FAM178B: variants seen among roughly 807,000 people sequenced by gnomAD.
FAM178B encodes protein FAM178B.
In FAM178B, 82 loss-of-function variants were observed where a neutral mutation model predicts 91.7. The ratio of observed to expected loss-of-function variants is 0.89; its 90% CI spans 0.75 to 1.07. The LOEUF is 1.07. Among genes scored for constraint, FAM178B ranks in the 50% least tolerant of loss-of-function variants. FAM178B has a pLI of 0.00. For missense variants in FAM178B, 769 were observed against 846.7 expected (o/e 0.91, Z 1.14); for synonymous variants, 368 against 359.4 (o/e 1.02, Z -0.27).
intron 16 of FAM178B, 176 bp downstream of exon 16, chr2:96,877,714 T>C (rs2080279571): frequency 1.6e-6 from 1 of 632,846 alleles, no homozygotes; most frequent in Admixed American, 2.9e-5. Context: ...GGATTCTTGA[T>C]AAGAATGATG....
intron 12 of FAM178B, among the ~76,000 whole-genome samples, chr2:96,913,204 C>G (rs2081188343): frequency 6.6e-6 from 1 of 152,102 alleles, no homozygotes; most frequent in Non-Finnish European, 1.5e-5. Context: ...CTGCGTTTGT[C>G]TAGTGGGGGT....
At chr2:96,932,735 C>T (rs1160789429) in intron 8 of FAM178B, among the ~76,000 whole-genome samples, 1 of 147,444 alleles carries the variant, frequency 6.8e-6, no homozygotes, top group East Asian at 2.1e-4. Flanking sequence ...GTCAGGAGTT[C>T]GAGACCAGCC....
chr2:96,955,326 C>T (rs1262480911), intron 6 of FAM178B, among the ~76,000 whole-genome samples: 2 of 152,026 alleles, frequency 1.3e-5, no homozygotes, highest in African/African-American at 4.8e-5. Flanking sequence ...CTGGCTAACA[C>T]AGTGAAACCC....
intron 12 of FAM178B, among the ~76,000 whole-genome samples, chr2:96,917,688 TC>T (rs2081264694): frequency 1.3e-5 from 2 of 152,146 alleles, no homozygotes; most frequent in South Asian, 4.1e-4. Context: ...AGACCTTGTC[TC>T]TACTAAAAAT....
At chr2:96,985,202 C>T (rs1293366131) in intron 1 of FAM178B, among the ~76,000 whole-genome samples, 2 of 152,214 alleles carry the variant, frequency 1.3e-5, no homozygotes, top group Non-Finnish European at 2.9e-5. Flanking sequence ...AGTCTCCAAA[C>T]TTAACTTTGT....
At chr2:96,976,555 G>A (rs1188839227) in intron 1 of FAM178B, among the ~76,000 whole-genome samples, 2 of 151,218 alleles carry the variant, frequency 1.3e-5, no homozygotes, top group African/African-American at 2.4e-5. Context: ...GTCAAAAAGT[G>A]AAAACAGGGC....
In FAM178B at chr2:96,947,891, C is replaced by T. The variant is rs1374449569; in HGVS notation, c.1005G>A (p.Trp335Ter). Residue 335 changes from tryptophan to a stop codon, truncating the protein, a stop_gained, in exon 8 of 17, where the codon TGG (tryptophan) becomes TGA (stop). Transcript: ENST00000490605. LOFTEE classifies it high-confidence loss of function. Reference protein sequence around the residue: ...LLQWLFQLLTWPPETSLGAFG... With the variant: ...LLQWLFQLLT ...AGGCTCCCAAAGATGTTTCTGGAGGCCATGTCAGCAGCTAGGTGGAAAAAA... is the reference window on the plus strand; with the variant it reads ...AGGCTCCCAAAGATGTTTCTGGAGGTCATGTCAGCAGCTAGGTGGAAAAAA... The T allele has an allele frequency of 1.9e-6, 3 of 1,538,684 alleles. No homozygotes were observed. Among genetic ancestry groups the T allele is most frequent in the Admixed American group, 2.0e-5 (1 of 50,698 alleles).
intron 12 of FAM178B, among the ~76,000 whole-genome samples, chr2:96,907,398 C>T (rs916733995): frequency 1.3e-5 from 2 of 152,312 alleles, no homozygotes; most frequent in African/African-American, 2.4e-5. Flanking sequence ...TGGGCTCTCC[C>T]TCCCATAGAA....
chr2:96,880,156 G>C (rs1269243039), intron 14 of FAM178B, among the ~76,000 whole-genome samples: 22 of 152,206 alleles, frequency 1.4e-4, no homozygotes, highest in Non-Finnish European at 1.5e-5. Context: ...CCCTTCCAGG[G>C]TTTTTTGGGG....
intron 8 of FAM178B, among the ~76,000 whole-genome samples, chr2:96,947,207 G>GA (rs1023163310): frequency 1.3e-5 from 2 of 152,198 alleles, no homozygotes; most frequent in African/African-American, 4.8e-5. Flanking sequence ...ACTAGGGGGG[G>GA]AAATTAATTC....
At chr2:96,909,105 C>T (rs1338995216) in intron 12 of FAM178B, among the ~76,000 whole-genome samples, 3 of 148,900 alleles carry the variant, frequency 2.0e-5, no homozygotes, top group African/African-American at 7.5e-5. Flanking sequence ...ATCACGCCAC[C>T]GCCCTCCAGC....
chr2:96,938,320 C>G (rs1370605291), intron 8 of FAM178B, among the ~76,000 whole-genome samples: 1 of 152,178 alleles, frequency 6.6e-6, no homozygotes, highest in African/African-American at 2.4e-5. Context: ...CTACTAATGG[C>G]GCAGTACCTG....
chr2:96,954,709 C>A (rs543169283), intron 6 of FAM178B, among the ~76,000 whole-genome samples: 1 of 152,356 alleles, frequency 6.6e-6, no homozygotes, highest in Non-Finnish European at 1.5e-5. Flanking sequence ...AAACCAATAG[C>A]AACCAAAGCG....
chr2:96,880,964 G>C (rs1258303505), intron 14 of FAM178B, among the ~76,000 whole-genome samples: 1 of 152,108 alleles, frequency 6.6e-6, no homozygotes, highest in Non-Finnish European at 1.5e-5. Flanking sequence ...GTGGGTGTGA[G>C]GCATGGGAGC....
chr2:96,969,687 C>T (rs2082191313), intron 4 of FAM178B, among the ~76,000 whole-genome samples: 1 of 152,240 alleles, frequency 6.6e-6, no homozygotes, highest in African/African-American at 2.4e-5. Flanking sequence ...TAGGCATGGT[C>T]CCTTCCCTAA....
At chr2:96,952,736 C>A (rs1158212123) in intron 6 of FAM178B, among the ~76,000 whole-genome samples, 1 of 152,150 alleles carries the variant, frequency 6.6e-6, no homozygotes, top group Non-Finnish European at 1.5e-5. Context: ...CTACGTCCTG[C>A]GCATTTTGTG....
intron 14 of FAM178B, among the ~76,000 whole-genome samples, chr2:96,885,313 C>T (rs1006424847): frequency 5.3e-5 from 8 of 152,272 alleles, no homozygotes; most frequent in African/African-American, 1.9e-4. Flanking sequence ...CACGTGCCCA[C>T]ACCCTCCACG....
intron 16 of FAM178B, among the ~76,000 whole-genome samples, chr2:96,877,313 T>C (rs2080266734): frequency 6.6e-6 from 1 of 152,102 alleles, no homozygotes; most frequent in Non-Finnish European, 1.5e-5. Flanking sequence ...GGTCCAGACT[T>C]TTCCCTCTCC....
At chr2:96,915,670 G>C (rs1040465469) in intron 12 of FAM178B, among the ~76,000 whole-genome samples, 2 of 152,046 alleles carry the variant, frequency 1.3e-5, no homozygotes, top group Non-Finnish European at 1.5e-5. Context: ...ACAAAAATTA[G>C]CTGGGTGTGG....
Sources: gnomAD v4.1 joint callset for allele counts (sites outside exome capture counted in the v4.1 genomes callset) on GRCh38, gnomAD v4.1.1 for gene constraint, MANE v1.5 for transcripts, NCBI Gene and HGNC (gene_info 2026-07-23, HGNC 2026-07-21) for gene names.